The following PTPRN2 variants were observed in gnomAD, a reference collection of about 807,000 sequenced individuals.
The protein encoded by PTPRN2 is receptor-type tyrosine-protein phosphatase N2.
PTPRN2 carries 74 observed loss-of-function variants against 118.8 expected under a neutral mutation model. The observed-to-expected ratio is 0.62, with a 90% CI of 0.52 to 0.76. The LOEUF is 0.76. PTPRN2 is among the 30% of genes least tolerant of loss of function. The probability of loss-of-function intolerance (pLI) is 0.00; values close to 1 mark genes in which losing one functional copy is unlikely to be tolerated. For missense variants in PTPRN2, 1,481 were observed against 1,394.4 expected (o/e 1.06, Z -0.99); for synonymous variants, 641 against 608.0 (o/e 1.05, Z -0.80).
chr7:157,600,083 A>C (rs13307767), intron 16 of PTPRN2, among the ~76,000 whole-genome samples: 21 of 51,694 alleles, frequency 4.1e-4, no homozygotes, highest in Admixed American at 4.9e-4. Flanking sequence ...ACCTGCCCAC[A>C]TCTCCACCTG....
At chr7:158,091,885 AG>A (rs1814187345) in intron 10 of PTPRN2, among the ~76,000 whole-genome samples, 1 of 4,820 alleles carries the variant, frequency 2.1e-4, no homozygotes, top group Non-Finnish European at 3.8e-4. Context: ...TGGGTGAGTG[AG>A]GGATAGGTGA....
At chr7:158,297,584 G>A (rs1017822904) in intron 3 of PTPRN2, among the ~76,000 whole-genome samples, 2 of 152,164 alleles carry the variant, frequency 1.3e-5, no homozygotes, top group Admixed American at 6.5e-5. Flanking sequence ...CAGCAGTAAG[G>A]AGGGGTCTTT....
Position 158,138,321 on chromosome 7 carries a change from C to T in PTPRN2, c.1105G>A (p.Ala369Thr), listed in dbSNP as rs145671265. ...ESGEQADGPK[A>T]TLRGDSFPDD... ...GGAAAGCTGTCTCCACGGAGGGTGG[C>T]CTTGGGGCCATCCGCCTGTTCTCCA... Residue 369 changes from alanine to threonine, a missense_variant, in exon 7 of 23, where the codon GCC (alanine) becomes ACC (threonine). This residue lies in a region of PTPRN2 where 1,115 missense variants were observed against 994.2 expected (regional missense o/e 1.12). Coordinates refer to ENST00000389418, the MANE Select transcript of PTPRN2 (RefSeq NM_002847.5). 350 of 1,613,360 alleles carry T rather than the reference C, an allele frequency of 2.2e-4. 1 individual carries two copies. The African/African-American group carries it at 3.9e-3, about 18-fold the overall frequency.
chr7:158,013,771 CTATCCATCCATT>C (rs1806231420), intron 11 of PTPRN2, among the ~76,000 whole-genome samples: 1 of 1,350 alleles, frequency 7.4e-4, no homozygotes, highest in Non-Finnish European at 1.5e-3. Flanking sequence ...ACTCATCCAC[CTATCCATCCATT>C]CACCCACCCA....
At chr7:157,621,561 G>A (rs375805197) in intron 14 of PTPRN2, 52 bp from the exon 15 acceptor site, 29 of 1,597,050 alleles carry the variant, frequency 1.8e-5, no homozygotes, top group African/African-American at 5.4e-5. Flanking sequence ...AGCCCAGACC[G>A]GCAGATGCAC....
intron 11 of PTPRN2, among the ~76,000 whole-genome samples, chr7:158,062,080 C>G (rs145989646): frequency 1.3e-5 from 2 of 152,378 alleles, no homozygotes; most frequent in Admixed American, 1.3e-4. Context: ...CCAGAGCCCA[C>G]GCTGACTTCT....
chr7:158,123,419 A>G (rs112125723), intron 9 of PTPRN2, among the ~76,000 whole-genome samples: 3,162 of 152,210 alleles, frequency 0.021, 102 homozygotes, highest in African/African-American at 0.065. Context: ...AGTGACCGAC[A>G]CCATGTCTGT....
At chr7:158,396,457 G>A (rs556532499) in intron 2 of PTPRN2, among the ~76,000 whole-genome samples, 20 of 150,794 alleles carry the variant, frequency 1.3e-4, no homozygotes, top group African/African-American at 3.2e-4. Flanking sequence ...GTGTGTGCAC[G>A]CGTGTACATG....
intron 9 of PTPRN2, among the ~76,000 whole-genome samples, chr7:158,129,380 C>A (rs910562958): frequency 7.3e-5 from 11 of 150,432 alleles, no homozygotes; most frequent in African/African-American, 2.7e-4. Context: ...ACACAAACAA[C>A]ACACACCACA....
At chr7:157,541,544 G>A (rs2116935306) in intron 22 of PTPRN2, among the ~76,000 whole-genome samples, 1 of 152,392 alleles carries the variant, frequency 6.6e-6, no homozygotes, top group South Asian at 2.1e-4. Flanking sequence ...TCCCACAGAT[G>A]AGGTGGATAA....
intron 2 of PTPRN2, among the ~76,000 whole-genome samples, chr7:158,341,499 CGTG>C (rs1806776583): frequency 1.9e-5 from 2 of 105,006 alleles, no homozygotes; most frequent in African/African-American, 7.9e-5. Context: ...ATTGGTGACA[CGTG>C]CAGACGTCAC....
chr7:158,318,753 C>T lies in PTPRN2; in HGVS notation c.164-1821G>A, dbSNP rs367799783. Among the ~76,000 whole-genome samples the T allele has an allele frequency of 5.3e-5, 8 of 152,356 alleles. 1 individual carries two copies. In the South Asian group the frequency reaches 1.4e-3, roughly 28 times the overall value. On this transcript the variant is annotated intron_variant, in intron 2 of 22. Coordinates refer to ENST00000389418, the MANE Select transcript of PTPRN2 (RefSeq NM_002847.5). ...TTGCGCACATTGGAAAATGCACCCCCGGGGTGGACGTGCGTGGCCAGCTCA... is the reference window on the plus strand; with the variant it reads ...TTGCGCACATTGGAAAATGCACCCCTGGGGTGGACGTGCGTGGCCAGCTCA...
At chr7:157,546,668 C>T (rs1373308273) in intron 22 of PTPRN2, among the ~76,000 whole-genome samples, 1 of 152,200 alleles carries the variant, frequency 6.6e-6, no homozygotes, top group Non-Finnish European at 1.5e-5. Context: ...TTTCTTTATC[C>T]AGTCTATCAT....
intron 2 of PTPRN2, among the ~76,000 whole-genome samples, chr7:158,367,775 A>G (rs1427907925): frequency 6.6e-6 from 1 of 152,232 alleles, no homozygotes; most frequent in Non-Finnish European, 1.5e-5. Context: ...CTTGGCCCAG[A>G]GCCCATCAGA....
At chr7:157,942,405 G>A (rs1418448396) in intron 11 of PTPRN2, among the ~76,000 whole-genome samples, 3 of 152,228 alleles carry the variant, frequency 2.0e-5, no homozygotes, top group Non-Finnish European at 4.4e-5. Flanking sequence ...CACAGCAGGT[G>A]TTGGTGTGGG....
At chr7:158,478,928 A>G (rs1820457395) in intron 2 of PTPRN2, among the ~76,000 whole-genome samples, 1 of 152,170 alleles carries the variant, frequency 6.6e-6, no homozygotes, top group Admixed American at 6.5e-5. Flanking sequence ...GTGGCCCCAC[A>G]GGACATGAAA....
intron 21 of PTPRN2, among the ~76,000 whole-genome samples, chr7:157,561,062 T>C (rs1350799053): frequency 6.6e-6 from 1 of 152,166 alleles, no homozygotes; most frequent in African/African-American, 2.4e-5. Flanking sequence ...CTCCATTCCC[T>C]GGCCCTCTTA....
intron 5 of PTPRN2, among the ~76,000 whole-genome samples, chr7:158,186,382 A>G (rs895145627): frequency 4.6e-5 from 7 of 151,166 alleles, no homozygotes; most frequent in Admixed American, 3.9e-4. Flanking sequence ...CCGGGGGCTC[A>G]CTCATGTGGT....
rs75463509 is a variant in PTPRN2, at chr7:157,787,015, C to T, written c.1789-104078G>A. Among the ~76,000 whole-genome samples, 1,489 of 151,126 alleles carry T rather than the reference C, an allele frequency of 9.9e-3. 59 individuals are homozygous for T. The South Asian group carries it at 0.12, about 12-fold the overall frequency. ...CTGGGACAGCTTGAGGGGCAGGAGG[C>T]GGACACAGGTGCGGCGGGGGACGCG... On this transcript the variant is annotated intron_variant, in intron 12 of 22. Coordinates refer to ENST00000389418, the MANE Select transcript of PTPRN2 (RefSeq NM_002847.5). This position sits in a 1 kb window ranked among gnomAD's most constrained non-coding sequence, Gnocchi z 5.3.
Sources: allele counts gnomAD v4.1 joint callset (sites outside exome capture counted in the v4.1 genomes callset), GRCh38; gene constraint gnomAD v4.1.1; regional missense constraint gnomAD v4.1.1; non-coding constraint Gnocchi (gnomAD v3.1); transcripts MANE v1.5; gene names NCBI Gene and HGNC (gene_info 2026-07-23, HGNC 2026-07-21).